Variants in ZCCHC2 observed in about 807,000 individuals in gnomAD.
ZCCHC2 encodes zinc finger CCHC domain-containing protein 2.
ZCCHC2 carries 39 observed loss-of-function variants against 103.6 expected under a neutral mutation model. The ratio of observed to expected loss-of-function variants is 0.38; its 90% CI spans 0.29 to 0.49. The LOEUF (loss-of-function observed/expected upper bound fraction) is 0.49. Ranked by LOEUF, ZCCHC2 falls within the 20% of genes least tolerant of loss-of-function variation. The pLI is 0.96. For missense variants in ZCCHC2, 1,483 were observed against 1,491.0 expected (o/e 0.99, Z 0.09); for synonymous variants, 687 against 608.9 (o/e 1.13, Z -1.89).
At chr18:62,553,156 A>ATGTGTGTG (rs142422088) in intron 5 of ZCCHC2, among the ~76,000 whole-genome samples, 212 of 139,848 alleles carry the variant, frequency 1.5e-3, no homozygotes, top group African/African-American at 3.3e-3. Flanking sequence ...CCTTAGATTT[A>ATGTGTGTG]TGTGTGTGTG....
rs1218167315 is a variant in ZCCHC2 at position 62,523,900 on chromosome 18, G to A, written c.476G>A (p.Gly159Glu). Reference sequence around the variant, plus strand: ...AAGGCCAACGGCCTCTCGGACCCGGGGCCGCTGGCCGACTTCCGAGAGCCC... The same window carrying A: ...AAGGCCAACGGCCTCTCGGACCCGGAGCCGCTGGCCGACTTCCGAGAGCCC... ...EAKANGLSDPGPLADFREPAV... is the reference protein window; with the variant it reads ...EAKANGLSDPEPLADFREPAV... The change falls in exon 1 of 14, where the codon GGG becomes GAG. Residue 159 changes from glycine (G) to glutamate (E), a missense_variant. Gly to Glu is a moderately conservative substitution (Grantham distance 98, BLOSUM62 -2). Transcript: ENST00000269499. 3 of 1,538,470 alleles carry A rather than the reference G, an allele frequency of 1.9e-6. No homozygotes were observed. The highest frequency in any genetic ancestry group is 1.4e-5 in the African/African-American group (1 of 72,514).
At chr18:62,526,613 C>CCCGCCG (rs905748419) in intron 1 of ZCCHC2, among the ~76,000 whole-genome samples, 1 of 152,098 alleles carries the variant, frequency 6.6e-6, no homozygotes, top group African/African-American at 2.4e-5. Flanking sequence ...TTCTCGGCCT[C>CCCGCCG]CCGCCGCCGC....
intron 14 of ZCCHC2, among the ~76,000 whole-genome samples, chr18:62,583,661 A>T (rs1023459267): frequency 8.0e-5 from 11 of 137,888 alleles, no homozygotes; most frequent in African/African-American, 2.4e-4. Flanking sequence ...GAATAAAAAA[A>T]TACTGACCCC....
rs73453880 is a variant in ZCCHC2 at position 62,561,696 on chromosome 18, G to A, written c.1550+1052G>A. On this transcript the variant is annotated intron_variant, in intron 8 of 13. Coordinates refer to ENST00000269499, the MANE Select transcript of ZCCHC2 (RefSeq NM_017742.6). ...CTGTTATGCTGGACTCTGATTTTGAGAGGAACTCACACTTAAGTCATCTGG... is the reference window on the plus strand; with the variant it reads ...CTGTTATGCTGGACTCTGATTTTGAAAGGAACTCACACTTAAGTCATCTGG... Among the ~76,000 whole-genome samples, 1,257 of 152,316 alleles carry A rather than the reference G, an allele frequency of 8.3e-3. 14 individuals carry two copies. The highest frequency in any genetic ancestry group is 0.028 in the African/African-American group (1,166 of 41,568).
In ZCCHC2 at chr18:62,575,026, A is replaced by C. The variant is rs766052328; in HGVS notation, c.2945A>C (p.Gln982Pro). Residue 982 changes from glutamine (Q) to proline (P), a missense_variant, in exon 13 of 14, where the codon CAG (glutamine) becomes CCG (proline). Gln to Pro is a moderately conservative substitution (Grantham distance 76). This residue lies in a region of ZCCHC2 where 884 missense variants were observed against 907.5 expected (regional missense o/e 0.97). Transcript: ENST00000269499. ...PSPALTHSTA[Q>P]SDSTSYISAV... ...CCTGCCTTGACACACAGTACCGCGC[A>C]GAGTGACAGCACCTCTTACATCAGT... 1.2e-6 allele frequency: 2 copies of C among 1,614,006 alleles called. No homozygotes were observed. Among genetic ancestry groups the C allele is most frequent in the Non-Finnish European group, 1.7e-6 (2 of 1,179,890 alleles).
chr18:62,569,869 T>G (rs759550745), intron 11 of ZCCHC2, among the ~76,000 whole-genome samples: 66 of 152,146 alleles, frequency 4.3e-4, no homozygotes, highest in Admixed American at 1.4e-3. Context: ...TTAACTCGTT[T>G]TTTCTTTGAA....
chr18:62,564,521 TCAAAATGGTTTAG>T (rs1274367903), intron 9 of ZCCHC2, 37 bp from the exon 10 acceptor site: 2 of 1,343,668 alleles, frequency 1.5e-6, no homozygotes, highest in South Asian at 1.4e-5. Context: ...AGTAAAAACG[TCAAAATGGTTTAG>T]CTTTTGTCTG....
At chr18:62,563,243 G>A in intron 9 of ZCCHC2, 99 bp downstream of exon 9, 2 of 1,379,170 alleles carry the variant, frequency 1.5e-6, no homozygotes, top group Non-Finnish European at 2.0e-6. Flanking sequence ...CAGTATATCT[G>A]GTAAGAAATG....
At chr18:62,553,189 TG>T (rs1415014202) in intron 5 of ZCCHC2, among the ~76,000 whole-genome samples, 109 of 151,734 alleles carry the variant, frequency 7.2e-4, no homozygotes, top group African/African-American at 2.4e-3. Flanking sequence ...TGTGTGTGTG[TG>T]TGTGTGTGTG....
At chr18:62,555,977 A>G (rs1311897248) in intron 5 of ZCCHC2, among the ~76,000 whole-genome samples, 1 of 152,236 alleles carries the variant, frequency 6.6e-6, no homozygotes, top group East Asian at 1.9e-4. Context: ...ATTATACAAA[A>G]TTAAAAATGA....
chr18:62,527,412 A>G (rs1353990561), intron 1 of ZCCHC2, among the ~76,000 whole-genome samples: 2 of 152,244 alleles, frequency 1.3e-5, no homozygotes, highest in Non-Finnish European at 2.9e-5. Context: ...TATAACACGT[A>G]CACAGGTTGC....
downstream of ZCCHC2, among the ~76,000 whole-genome samples, chr18:62,583,102 T>C (rs1271939144): frequency 6.7e-6 from 1 of 148,258 alleles, no homozygotes; most frequent in Non-Finnish European, 1.5e-5. Context: ...AGACCGTGTC[T>C]TTTTTTTTTA....
intron 9 of ZCCHC2, 29 bp from the exon 10 acceptor site, chr18:62,564,542 C>G (rs1207586097): frequency 6.8e-7 from 1 of 1,460,568 alleles, no homozygotes; most frequent in African/African-American, 1.4e-5. Flanking sequence ...TAGCTTTTGT[C>G]TGATTTGTCT....
chr18:62,560,867 C>T (rs1348683734), intron 8 of ZCCHC2, among the ~76,000 whole-genome samples: 2 of 151,398 alleles, frequency 1.3e-5, no homozygotes, highest in South Asian at 2.1e-4. Context: ...TTTCCCCTAT[C>T]ATCTTTGATA....
chr18:62,534,383 T>C (rs1393267628), intron 1 of ZCCHC2, among the ~76,000 whole-genome samples: 1 of 152,114 alleles, frequency 6.6e-6, no homozygotes, highest in African/African-American at 2.4e-5. Context: ...GGTGCATAAA[T>C]TGGTGCAGAC....
At chr18:62,547,248 C>A (rs1164215220) in intron 4 of ZCCHC2, among the ~76,000 whole-genome samples, 1 of 151,824 alleles carries the variant, frequency 6.6e-6, no homozygotes, top group African/African-American at 2.4e-5. Context: ...TCACTTGAAC[C>A]CCAAAGGTGG....
intron 5 of ZCCHC2, among the ~76,000 whole-genome samples, chr18:62,550,920 G>A (rs943484867): frequency 2.6e-5 from 4 of 152,134 alleles, no homozygotes; most frequent in Non-Finnish European, 4.4e-5. Flanking sequence ...TTTTGCCCTC[G>A]TAAGGTTGTT....
chr18:62,567,450 A>T (rs1043764489), intron 11 of ZCCHC2, among the ~76,000 whole-genome samples: 1 of 152,156 alleles, frequency 6.6e-6, no homozygotes, highest in Non-Finnish European at 1.5e-5. Flanking sequence ...TTCTGTTTTG[A>T]GTGATAATCC....
chr18:62,532,576 C>G (rs1019754134), intron 1 of ZCCHC2, among the ~76,000 whole-genome samples: 11 of 152,200 alleles, frequency 7.2e-5, no homozygotes, highest in Admixed American at 2.0e-4. Context: ...CATATATCCC[C>G]CCTTTCATTC....
Sources: allele counts gnomAD v4.1 joint callset (sites outside exome capture counted in the v4.1 genomes callset), GRCh38; gene constraint gnomAD v4.1.1; regional missense constraint gnomAD v4.1.1; transcripts MANE v1.5; gene names NCBI Gene and HGNC (gene_info 2026-07-23, HGNC 2026-07-21).